The following TMEM132D variants were observed in gnomAD, a reference collection of about 807,000 sequenced individuals.
The protein encoded by TMEM132D is mature OL transmembrane protein.
Under a neutral mutation model 62.3 loss-of-function variants are expected in TMEM132D, and 21 were observed. That is an observed-to-expected ratio of 0.34 (90% CI 0.24 to 0.49). The LOEUF is 0.49. TMEM132D is among the 20% of genes least tolerant of loss of function. The pLI is 0.99. For missense variants in TMEM132D, 1,346 were observed against 1,402.8 expected, an observed-to-expected ratio of 0.96 and a Z score of 0.65; for synonymous variants, 621 against 575.6, an observed-to-expected ratio of 1.08 and a Z score of -1.13.
chr12:129,891,868 CA>C (rs1874934782), intron 1 of TMEM132D, among the ~76,000 whole-genome samples: 1 of 151,910 alleles, frequency 6.6e-6, no homozygotes, highest in Non-Finnish European at 1.5e-5. Flanking sequence ...AGAGAGTGAA[CA>C]AAACTGGCTT....
At position 129,597,522 on chromosome 12, in the gene TMEM132D, C is replaced by T. The variant is rs945926089; in HGVS notation, c.969-66317G>A. 2.6e-5 allele frequency among the ~76,000 whole-genome samples: 4 copies of T among 152,228 alleles called. No homozygotes were observed. The East Asian group carries it at 5.8e-4, about 22-fold the overall frequency. ...ATTCCCCAGAAGCAAATAACATTCACGGAGTACAAGTAGGACAGTCCCCTG... is the reference window on the plus strand; with the variant it reads ...ATTCCCCAGAAGCAAATAACATTCATGGAGTACAAGTAGGACAGTCCCCTG... On this transcript the variant is annotated intron_variant, in intron 2 of 8. Coordinates refer to ENST00000422113, the MANE Select transcript of TMEM132D (RefSeq NM_133448.3).
chr12:129,357,521 G>A (rs117829917), intron 3 of TMEM132D, among the ~76,000 whole-genome samples: 4,281 of 142,298 alleles, frequency 0.03, 72 homozygotes, highest in Non-Finnish European at 0.044. Flanking sequence ...AAAGAAAGAA[G>A]GAAGGAAAGA....
Position 129,159,686 on chromosome 12 carries a change from G to T in TMEM132D, c.1443+49834C>A, listed in dbSNP as rs143305890. Among the ~76,000 whole-genome samples, 705 of 150,502 alleles carry T rather than the reference G, an allele frequency of 4.7e-3. 6 individuals carry two copies. The highest frequency in any genetic ancestry group is 0.016 in the African/African-American group (670 of 40,986). On this transcript the variant is annotated intron_variant, in intron 5 of 8. Coordinates refer to ENST00000422113, the MANE Select transcript of TMEM132D (RefSeq NM_133448.3). The stretch of plus-strand genomic sequence containing the variant: ...TAAGGCATGAGAATCACTTGAACCT[G>T]GGAGGTGGAGGTTGCAGTGAGCCTA...
At chr12:129,454,011 C>T (rs533844544) in intron 3 of TMEM132D, among the ~76,000 whole-genome samples, 1 of 152,272 alleles carries the variant, frequency 6.6e-6, no homozygotes, top group East Asian at 1.9e-4. Context: ...AAATGGGTAC[C>T]AGGCAGCAAC....
intron 4 of TMEM132D, among the ~76,000 whole-genome samples, chr12:129,308,938 G>A (rs909480828): frequency 6.6e-6 from 1 of 152,158 alleles, no homozygotes; most frequent in African/African-American, 2.4e-5. Context: ...AGTAACTATA[G>A]CTTTTAGTCT....
At chr12:129,238,574 G>A (rs757262360) in intron 4 of TMEM132D, among the ~76,000 whole-genome samples, 13 of 152,120 alleles carry the variant, frequency 8.5e-5, no homozygotes, top group Admixed American at 2.6e-4. Context: ...GTAGAGTCAC[G>A]CAGTATTTAT....
chr12:129,110,473 G>A (rs998428089), intron 5 of TMEM132D: 1 of 152,148 alleles, frequency 6.6e-6, no homozygotes, highest in Non-Finnish European at 1.5e-5. Context: ...TTTTGTTTGT[G>A]AAATATAACA....
chr12:129,520,076 G>A (rs894499698), intron 3 of TMEM132D, among the ~76,000 whole-genome samples: 1 of 152,164 alleles, frequency 6.6e-6, no homozygotes, highest in Non-Finnish European at 1.5e-5. Flanking sequence ...TTAGTGTGGG[G>A]CATCTGTCAC....
intron 2 of TMEM132D, among the ~76,000 whole-genome samples, chr12:129,573,216 T>C (rs374762810): frequency 3.9e-5 from 6 of 152,000 alleles, no homozygotes; most frequent in Non-Finnish European, 5.9e-5. Flanking sequence ...ACTGTGAGGA[T>C]GGTTGTGGGC....
chr12:129,318,969 T>C (rs1320081348), intron 4 of TMEM132D, among the ~76,000 whole-genome samples: 1 of 152,052 alleles, frequency 6.6e-6, no homozygotes, highest in African/African-American at 2.4e-5. Flanking sequence ...TTCACTCCCA[T>C]TGTGCCCTCC....
intron 3 of TMEM132D, among the ~76,000 whole-genome samples, chr12:129,498,236 A>G (rs1875019621): frequency 7.4e-6 from 1 of 134,718 alleles, no homozygotes; most frequent in African/African-American, 2.5e-5. Context: ...GATGAGATGT[A>G]TCTGTCCAAA....
chr12:129,131,894 C>T (rs1165138418), intron 5 of TMEM132D, among the ~76,000 whole-genome samples: 1 of 152,094 alleles, frequency 6.6e-6, no homozygotes, highest in African/African-American at 2.4e-5. Context: ...GCAAATATTT[C>T]CTTAATATTT....
intron 5 of TMEM132D, among the ~76,000 whole-genome samples, chr12:129,143,472 C>A (rs192045934): frequency 1.3e-5 from 2 of 152,294 alleles, no homozygotes; most frequent in Admixed American, 1.3e-4. Flanking sequence ...CTTCTCCCAG[C>A]ATATGCGGCA....
intron 5 of TMEM132D, among the ~76,000 whole-genome samples, chr12:129,175,264 G>C (rs964941069): frequency 2.0e-5 from 3 of 152,042 alleles, no homozygotes; most frequent in Non-Finnish European, 4.4e-5. Flanking sequence ...GTGTAAGGAA[G>C]GGATCCAGTT....
intron 2 of TMEM132D, among the ~76,000 whole-genome samples, chr12:129,612,691 C>T (rs1249613801): frequency 6.7e-6 from 1 of 148,696 alleles, no homozygotes; most frequent in African/African-American, 2.4e-5. Context: ...ATACTGCTCC[C>T]CAAAATGTGG....
At chr12:129,106,028 CAAT>C (rs1022877761) in intron 5 of TMEM132D, among the ~76,000 whole-genome samples, 1 of 151,538 alleles carries the variant, frequency 6.6e-6, no homozygotes, top group African/African-American at 2.4e-5. Context: ...GAATGTCCAA[CAAT>C]GATAGACTGG....
chr12:129,321,645 C>T (rs1331884285), intron 4 of TMEM132D, among the ~76,000 whole-genome samples: 1 of 152,158 alleles, frequency 6.6e-6, no homozygotes, highest in Non-Finnish European at 1.5e-5. Flanking sequence ...CAAGCTCCAC[C>T]TCCCAGGTTC....
At chr12:129,436,342 G>T (rs1467056732) in intron 3 of TMEM132D, among the ~76,000 whole-genome samples, 1 of 152,122 alleles carries the variant, frequency 6.6e-6, no homozygotes, top group Non-Finnish European at 1.5e-5. Flanking sequence ...ACTAATCATA[G>T]CTACCGCATG....
intron 3 of TMEM132D, among the ~76,000 whole-genome samples, chr12:129,367,014 C>A (rs1325166209): frequency 6.6e-6 from 1 of 152,194 alleles, no homozygotes; most frequent in African/African-American, 2.4e-5. Context: ...GCCTCTGAGA[C>A]AACGAATGGA....
Sources: allele counts gnomAD v4.1 joint callset (sites outside exome capture counted in the v4.1 genomes callset), GRCh38; gene constraint gnomAD v4.1.1; transcripts MANE v1.5; gene names NCBI Gene and HGNC (gene_info 2026-07-23, HGNC 2026-07-21).